CEP112: variants seen among roughly 807,000 people sequenced by gnomAD.
CEP112 encodes the protein centrosomal protein 112, also known as centrosomal protein of 112 kDa.
In CEP112, 127 loss-of-function variants were observed where a neutral mutation model predicts 153.0. That is an observed-to-expected ratio of 0.83 (90% CI 0.72 to 0.96). The LOEUF is 0.96. CEP112 is among the 40% of genes least tolerant of loss of function. The pLI, the probability that CEP112 is intolerant of heterozygous loss-of-function variation, is 0.00. For missense variants in CEP112, 1,089 were observed against 1,101.2 expected (o/e 0.99, Z 0.16); for synonymous variants, 358 against 374.4 (o/e 0.96, Z 0.51).
intron 24 of CEP112, among the ~76,000 whole-genome samples, chr17:65,672,057 A>C (rs77293062): frequency 6.6e-6 from 1 of 152,194 alleles, no homozygotes; most frequent in East Asian, 1.9e-4. Context: ...TAAGAAATCA[A>C]CTGAAAGATC....
chr17:65,688,338 G>T (rs1264124807), intron 24 of CEP112: 1 of 152,222 alleles, frequency 6.6e-6, no homozygotes, highest in Admixed American at 6.5e-5. Context: ...TTTTGTTCCA[G>T]TTTTCATTCT....
At chr17:65,760,480 A>G (rs540283108) in intron 21 of CEP112, among the ~76,000 whole-genome samples, 2 of 152,140 alleles carry the variant, frequency 1.3e-5, no homozygotes, top group South Asian at 4.2e-4. Flanking sequence ...TGGCTGCTGA[A>G]TTTTATCAAA....
At chr17:65,970,098 G>A (rs1316780285) in intron 17 of CEP112, among the ~76,000 whole-genome samples, 1 of 152,302 alleles carries the variant, frequency 6.6e-6, no homozygotes, top group East Asian at 1.9e-4. Flanking sequence ...CATATTACAT[G>A]TATGCATAGC....
At chr17:66,025,745 C>T (rs1264998671) in intron 16 of CEP112, among the ~76,000 whole-genome samples, 2 of 151,970 alleles carry the variant, frequency 1.3e-5, no homozygotes, top group Admixed American at 1.3e-4. Flanking sequence ...AGTATAGAGA[C>T]TTCTCAAAGA....
At chr17:65,925,302 G>A (rs982611739) in intron 19 of CEP112, among the ~76,000 whole-genome samples, 7 of 152,212 alleles carry the variant, frequency 4.6e-5, no homozygotes, top group African/African-American at 1.7e-4. Flanking sequence ...GTGGAACTGT[G>A]AGTCCATTAA....
intron 24 of CEP112, among the ~76,000 whole-genome samples, chr17:65,672,902 GCTAT>G (rs1314343345): frequency 2.6e-5 from 4 of 152,254 alleles, no homozygotes; most frequent in Admixed American, 1.3e-4. Context: ...TTAATAACTG[GCTAT>G]CTATTTGGAA....
intron 4 of CEP112, among the ~76,000 whole-genome samples, chr17:66,168,432 T>C (rs1307524242): frequency 2.7e-5 from 4 of 150,146 alleles, no homozygotes; most frequent in African/African-American, 9.9e-5. Flanking sequence ...TGTATATATA[T>C]GTATATATAT....
intron 23 of CEP112, among the ~76,000 whole-genome samples, chr17:65,692,600 C>T (rs2048165286): frequency 6.6e-6 from 1 of 152,158 alleles, no homozygotes; most frequent in African/African-American, 2.4e-5. Flanking sequence ...GCCTCTTTCC[C>T]ACTCTGTACT....
chr17:65,999,057 C>T (rs958567528), intron 17 of CEP112, among the ~76,000 whole-genome samples: 1 of 152,040 alleles, frequency 6.6e-6, no homozygotes, highest in East Asian at 1.9e-4. Context: ...AATATGTTTA[C>T]AAGTCATTTT....
chr17:66,069,884 A>G (rs1316535773), intron 9 of CEP112, 31 bp downstream of exon 9: 1 of 1,265,400 alleles, frequency 7.9e-7, no homozygotes, highest in Admixed American at 1.9e-5. Context: ...TTAGTGTTCA[A>G]TATAATTAAA....
intron 24 of CEP112, among the ~76,000 whole-genome samples, chr17:65,665,883 G>A (rs1160817080): frequency 3.3e-5 from 5 of 152,160 alleles, no homozygotes; most frequent in Non-Finnish European, 5.9e-5. Flanking sequence ...CAGCAAGGTA[G>A]TAAGGGCCAC....
intron 18 of CEP112, among the ~76,000 whole-genome samples, chr17:65,940,600 C>T (rs571167438): frequency 3.3e-5 from 5 of 152,036 alleles, no homozygotes; most frequent in Non-Finnish European, 7.4e-5. Flanking sequence ...CATGGATAAA[C>T]CTGGAGGACA....
At chr17:66,186,857 T>TTG (rs1568596114) in intron 1 of CEP112, among the ~76,000 whole-genome samples, 4 of 152,172 alleles carry the variant, frequency 2.6e-5, no homozygotes, top group Admixed American at 6.5e-5. Flanking sequence ...AATTTAAAAA[T>TTG]CATAAATCTT....
intron 20 of CEP112, among the ~76,000 whole-genome samples, chr17:65,887,859 G>A (rs1161801643): frequency 6.6e-6 from 1 of 152,188 alleles, no homozygotes; most frequent in African/African-American, 2.4e-5. Context: ...CTTCCTCATG[G>A]AGGGGGTGTT....
At chr17:65,793,024 C>A (rs1299330416) in intron 21 of CEP112, among the ~76,000 whole-genome samples, 1 of 151,858 alleles carries the variant, frequency 6.6e-6, no homozygotes, top group African/African-American at 2.4e-5. Context: ...AAGCTCCTGT[C>A]TACAGAAAGC....
intron 20 of CEP112, 33 bp from the exon 21 acceptor site, chr17:65,852,067 A>C: frequency 6.8e-7 from 1 of 1,470,820 alleles, no homozygotes; most frequent in Non-Finnish European, 9.3e-7. Context: ...TGGGCAGAAG[A>C]TATCAATAGG....
intron 21 of CEP112, 94 bp downstream of exon 21, chr17:65,851,710 C>T: frequency 1.1e-6 from 1 of 873,352 alleles, no homozygotes; most frequent in Non-Finnish European, 1.8e-6. Flanking sequence ...AATGCCATGT[C>T]TACTACCTTT....
chr17:65,700,513 G>C (rs1309988345), intron 23 of CEP112, among the ~76,000 whole-genome samples: 1 of 152,076 alleles, frequency 6.6e-6, no homozygotes, highest in East Asian at 1.9e-4. Context: ...AATCACAGAG[G>C]GAAAGGCATG....
intron 4 of CEP112, among the ~76,000 whole-genome samples, chr17:66,151,455 T>C (rs1409389962): frequency 6.6e-6 from 1 of 152,204 alleles, no homozygotes; most frequent in African/African-American, 2.4e-5. Context: ...TGCATGCCCA[T>C]GTGGTATGTC....
Sources: allele counts gnomAD v4.1 joint callset (sites outside exome capture counted in the v4.1 genomes callset), GRCh38; gene constraint gnomAD v4.1.1; transcripts MANE v1.5; gene names NCBI Gene and HGNC (gene_info 2026-07-23, HGNC 2026-07-21).